The following L1CAM variants were observed in gnomAD, a reference collection of about 807,000 sequenced individuals.
L1CAM encodes the protein L1 cell adhesion molecule.
A neutral mutation model predicts 93.0 loss-of-function variants in L1CAM; 8 were observed. The ratio of observed to expected loss-of-function variants is 0.09; its 90% confidence interval spans 0.05 to 0.16. L1CAM has a LOEUF of 0.16. L1CAM is among the 10% of genes least tolerant of loss of function. The probability of loss-of-function intolerance (pLI) is 1.00; values close to 1 mark genes in which losing one functional copy is unlikely to be tolerated. For missense variants in L1CAM, 777 were observed against 1,073.4 expected (o/e 0.72, Z 3.86); for synonymous variants, 453 against 453.0 (o/e 1.00, Z 0.00).
rs34384910 is a variant in L1CAM at position 153,877,287 on chromosome X, CAAAAAAAAAAAAA to C, written c.-108-1356_-108-1344del. On this transcript the variant is annotated intron_variant, in intron 1 of 28. Transcript: ENST00000370060. ...TGAAATCCTGTCTCTACTAAAAATA[CAAAAAAAAAAAAA>C]AAAAAAAAAAAAAAAGCCAGGCGTG... Among the ~76,000 whole-genome samples, 17 of 12,804 alleles carry C rather than the reference CAAAAAAAAAAAAA, an allele frequency of 1.3e-3. No homozygotes were observed. The East Asian group carries it at 0.05, about 37-fold the overall frequency. 11.1% of individuals were successfully genotyped at this position (12,804 alleles called of 115,157 possible). A position where few individuals can be genotyped will look rare whatever the true frequency, so the allele number is the denominator to read the frequency against.
chrX:153,870,709 G>T, intron 7 of L1CAM, 81 bp downstream of exon 7: 1 of 1,041,360 alleles, frequency 9.6e-7, no homozygotes, highest in Non-Finnish European at 1.3e-6. Flanking sequence ...GCCTGGAGTT[G>T]TCAGATGGAC....
intron 1 of L1CAM, 179 bp downstream of exon 1, chrX:153,885,886 A>T: frequency 1.5e-6 from 1 of 669,511 alleles, no homozygotes; most frequent in Non-Finnish European, 1.9e-6. Flanking sequence ...CCCCGCTTAC[A>T]GCCCGCGGTG....
intron 5 of L1CAM, 92 bp downstream of exon 5, chrX:153,872,060 G>T (rs2064775440): frequency 7.6e-6 from 6 of 785,256 alleles, no homozygotes; most frequent in Admixed American, 4.8e-5. Context: ...CAGGCCCCTC[G>T]CCACGAGACA....
chrX:153,861,925 G>C lies in L1CAM; in HGVS notation c.*738C>G, dbSNP rs1332715047. ...GGGGTCCTGGGGGGTGGGGGCGGCT[G>C]GAAGAGGCCGGCCAGTGGGCAGTGG... On this transcript the variant is annotated 3_prime_UTR_variant, in exon 29 of 29. Transcript: ENST00000370060. 9.0e-6 allele frequency: 1 copy of C among 111,032 alleles called. No homozygotes were observed. Among genetic ancestry groups the C allele is most frequent in the Non-Finnish European group, 1.9e-5 (1 of 52,928 alleles). 9.2% of individuals were successfully genotyped at this position (111,032 alleles called of 1,213,427 possible).
At chrX:153,872,484 G>T in intron 4 of L1CAM, 108 bp downstream of exon 4, 2 of 937,353 alleles carry the variant, frequency 2.1e-6, no homozygotes, top group Non-Finnish European at 3.1e-6. Context: ...GACTTGGGGT[G>T]ATTAGCAAGG....
chrX:153,868,198 C>T lies in L1CAM; in HGVS notation c.1704-76G>A. On this transcript the variant is annotated intron_variant, in intron 14 of 28. Transcript: ENST00000370060. The stretch of plus-strand genomic sequence containing the variant: ...CCCATCCCTCCCTCCTGTCTCCTTC[C>T]CCCGCTCCTGTCAGAGCCTTCCCCA... The T allele has an allele frequency of 2.5e-6, 3 of 1,203,239 alleles. No homozygotes were observed. In the African/African-American group the frequency reaches 5.2e-5, roughly 21 times the overall value.
intron 8 of L1CAM, 62 bp from the exon 9 acceptor site, chrX:153,870,302 C>A: frequency 2.5e-6 from 3 of 1,178,121 alleles, no homozygotes; most frequent in Non-Finnish European, 3.5e-6. Context: ...TCACCCCAGC[C>A]CCCTATACCC....
At chrX:153,873,378 C>T in intron 2 of L1CAM, 136 bp from the exon 3 acceptor site, 1 of 665,969 alleles carries the variant, frequency 1.5e-6, no homozygotes, top group Admixed American at 2.4e-5. Context: ...GGAGAGGAGG[C>T]CCTGGCAGTG....
intron 20 of L1CAM, 22 bp downstream of exon 20, chrX:153,865,682 C>A (rs782612959): frequency 1.8e-6 from 2 of 1,127,792 alleles, no homozygotes. Context: ...CCCTCCTGGG[C>A]CCCCATGCCT....
chrX:153,870,591 G>C, intron 7 of L1CAM, 92 bp from the exon 8 acceptor site: 1 of 846,558 alleles, frequency 1.2e-6, no homozygotes, highest in Non-Finnish European at 1.7e-6. Context: ...GCCAGCCCCC[G>C]GGGCCTCTGT....
rs1557091761 is a variant in L1CAM, at chrX:153,868,322, C to A, written c.1683G>T (p.Gln561His). Reference protein sequence around the residue: ...ITWRGDGRDLQELGDSDKYFI... With the variant: ...ITWRGDGRDLHELGDSDKYFI... Reference sequence around the variant, plus strand: ...CTCACTTGTCACTGTCCCCAAGCTCCTGGAGGTCTCGACCGTCCCCACGCC... The same window carrying A: ...CTCACTTGTCACTGTCCCCAAGCTCATGGAGGTCTCGACCGTCCCCACGCC... Residue 561 changes from glutamine (Q) to histidine (H), a missense_variant, in exon 14 of 29, where the codon CAG becomes CAT. Gln to His is a conservative substitution (Grantham distance 24). Around this residue, in one of 5 missense-constraint regions of L1CAM, gnomAD observed 574 missense variants for 781.0 expected, o/e 0.73. Coordinates refer to ENST00000370060, the MANE Select transcript of L1CAM (RefSeq NM_001278116.2). 8.2e-7 allele frequency: 1 copy of A among 1,212,214 alleles called. No homozygotes were observed. Among genetic ancestry groups the A allele is most frequent in the Non-Finnish European group, 1.1e-6 (1 of 895,619 alleles).
chrX:153,865,531 G>A, intron 20 of L1CAM, 31 bp from the exon 21 acceptor site: 1 of 1,173,399 alleles, frequency 8.5e-7, no homozygotes, highest in Non-Finnish European at 1.2e-6. Context: ...CCTCGCAGGG[G>A]CAGAAGGCAC....
In L1CAM at chrX:153,867,922, G is replaced by A. The variant is rs1037831708; in HGVS notation, c.1829-12C>T. On this transcript the variant is annotated splice_polypyrimidine_tract_variant and intron_variant, in intron 15 of 28. Coordinates refer to ENST00000370060, the MANE Select transcript of L1CAM (RefSeq NM_001278116.2). ...CGGCCCAGGGCTCCCTGAGGGTGGG[G>A]AGGGTCGGTGCTTGAAAGGGCCCAG... 1 of 1,209,620 alleles carries A rather than the reference G, an allele frequency of 8.3e-7. No individual in the cohort carries two copies. The highest frequency in any genetic ancestry group is 1.1e-6 in the Non-Finnish European group (1 of 894,160).
In L1CAM at chrX:153,862,677, C is replaced by T. The variant is rs200498314; in HGVS notation, c.3760G>A (p.Val1254Met). The T allele has an allele frequency of 1.1e-5, 13 of 1,208,185 alleles. No individual in the cohort carries two copies. Among genetic ancestry groups the T allele is most frequent in the African/African-American group, 1.0e-4 (6 of 57,561 alleles). Residue 1254 changes from valine (V) to methionine (M), a missense_variant, in exon 29 of 29, where the codon GTG becomes ATG. This residue lies in a region of L1CAM where 110 missense variants were observed against 141.7 expected (regional missense o/e 0.78). Coordinates refer to ENST00000370060, the MANE Select transcript of L1CAM (RefSeq NM_001278116.2). ...CCTGGACTCCACTATTCTAGGGCCA[C>T]GGCAGGGTTGATGGGGGAAGTGGCC... is the stretch of plus-strand genomic sequence containing the variant. ...SGATSPINPAVALE is the reference protein window; with the variant it reads ...SGATSPINPAMALE
At position 153,866,620 on chromosome X, in the gene L1CAM, G is replaced by A. The variant is rs373975779; in HGVS notation, c.2431+29C>T. 36 of 1,138,828 alleles carry A rather than the reference G, an allele frequency of 3.2e-5. No homozygotes were observed. In the East Asian group the frequency reaches 3.3e-4, roughly 10 times the overall value. The allele number at this position is 1,138,828 out of a possible 1,213,427, so 93.9% of individuals were successfully genotyped here. ...GGGGTGGAAGCAGGCGAGCTCAACCGTGGGCGAGGGGCCCTGCCGGATACT... is the reference window on the plus strand; with the variant it reads ...GGGGTGGAAGCAGGCGAGCTCAACCATGGGCGAGGGGCCCTGCCGGATACT... On this transcript the variant is annotated intron_variant, in intron 19 of 28. Coordinates refer to ENST00000370060, the MANE Select transcript of L1CAM (RefSeq NM_001278116.2).
chrX:153,862,498 G>C lies in L1CAM; in HGVS notation c.*165C>G. ...GGCAGAGCAGCGTGTGCCCAGGAAGGGGTGCAGCTGGGTTTTGGCAATAAA... is the reference window on the plus strand; with the variant it reads ...GGCAGAGCAGCGTGTGCCCAGGAAGCGGTGCAGCTGGGTTTTGGCAATAAA... On this transcript the variant is annotated 3_prime_UTR_variant, in exon 29 of 29. Coordinates refer to ENST00000370060, the MANE Select transcript of L1CAM (RefSeq NM_001278116.2). 2.3e-6 allele frequency: 1 copy of C among 437,489 alleles called. No individual in the cohort carries two copies. The highest frequency in any genetic ancestry group is 4.0e-5 in the South Asian group (1 of 25,115). 36.1% of individuals were successfully genotyped at this position (437,489 alleles called of 1,213,427 possible).
Position 153,864,871 on chromosome X carries a change from T to G in L1CAM, c.2996A>C (p.Glu999Ala). 8.2e-7 allele frequency: 1 copy of G among 1,212,146 alleles called. No homozygotes were observed. Among genetic ancestry groups the G allele is most frequent in the Non-Finnish European group, 1.1e-6 (1 of 895,508 alleles). ...CCGTACGATGGCTTCACCAGGGCCCTCTTTGGTGGTGGCCTGAAGCTGGAA... is the reference window on the plus strand; with the variant it reads ...CCGTACGATGGCTTCACCAGGGCCCGCTTTGGTGGTGGCCTGAAGCTGGAA... ...YRFQLQATTK[E>A]GPGEAIVREG... Residue 999 changes from glutamate to alanine, a missense_variant, in exon 23 of 29, where the codon GAG (glutamate) becomes GCG (alanine). Glu to Ala is a moderately radical substitution (Grantham distance 107). Around this residue, in one of 5 missense-constraint regions of L1CAM, gnomAD observed 71 missense variants for 77.4 expected, o/e 0.92. Coordinates refer to ENST00000370060, the MANE Select transcript of L1CAM (RefSeq NM_001278116.2).
At chrX:153,877,163 G>T (rs1189298836) in intron 1 of L1CAM, among the ~76,000 whole-genome samples, 1 of 106,900 alleles carries the variant, frequency 9.4e-6, no homozygotes, top group Non-Finnish European at 1.9e-5. Flanking sequence ...CAAAATTAGG[G>T]CTGGGCGTGG....
In L1CAM at chrX:153,868,035, C is replaced by A; in HGVS notation, c.1791G>T (p.Leu597=). 8.3e-7 allele frequency: 1 copy of A among 1,211,079 alleles called. No homozygotes were observed. Among genetic ancestry groups the A allele is most frequent in the Middle Eastern group, 2.3e-4 (1 of 4,354 alleles). ...GCTGTGCCCTACTCTCCACCACATC[C>A]AGTTCGGTACTGGCCACGCAGCTGT... The part of the protein sequence containing the change: ...GNYSCVASTE[L]DVVESRAQLL... Residue 597 remains leucine, a synonymous_variant, in exon 15 of 29, where the codon CTG becomes CTT. Coordinates refer to ENST00000370060, the MANE Select transcript of L1CAM (RefSeq NM_001278116.2).
Sources: allele counts gnomAD v4.1 joint callset (sites outside exome capture counted in the v4.1 genomes callset), GRCh38; gene constraint gnomAD v4.1.1; regional missense constraint gnomAD v4.1.1; transcripts MANE v1.5; gene names NCBI Gene and HGNC (gene_info 2026-07-23, HGNC 2026-07-21).